CSMD1: variants seen among roughly 807,000 people sequenced by gnomAD.
CSMD1 encodes the protein CUB and Sushi multiple domains 1.
In CSMD1, 213 loss-of-function variants were observed where a neutral mutation model predicts 417.5. The ratio of observed to expected loss-of-function variants is 0.51; its 90% CI spans 0.46 to 0.57. The LOEUF (loss-of-function observed/expected upper bound fraction) is 0.57. CSMD1 is among the 20% of genes least tolerant of loss of function. CSMD1 has a pLI of 0.00. For missense variants in CSMD1, 6,923 were observed against 4,529.7 expected (o/e 1.53, Z -15.17); for synonymous variants, 2,862 against 1,736.8 (o/e 1.65, Z -16.11).
chr8:4,454,206 G>A (rs1006937478), intron 2 of CSMD1, among the ~76,000 whole-genome samples: 1 of 152,012 alleles, frequency 6.6e-6, no homozygotes, highest in South Asian at 2.1e-4. Flanking sequence ...AAAACTCCGT[G>A]TCTCCTTATC....
At position 3,079,165 on chromosome 8, in the gene CSMD1, A is replaced by G. The variant is rs1026003833; in HGVS notation, c.7474+7932T>C. 1.1e-4 allele frequency among the ~76,000 whole-genome samples: 17 copies of G among 152,306 alleles called. 1 individual carries two copies. Among genetic ancestry groups the G allele is most frequent in the Admixed American group, 3.3e-4 (5 of 15,298 alleles). ...AATCCCCTAAGATTGTGTGAGGTAGATTTAAGCAAGGGCAACTGGGATAAA... is the reference window on the plus strand; with the variant it reads ...AATCCCCTAAGATTGTGTGAGGTAGGTTTAAGCAAGGGCAACTGGGATAAA... On this transcript the variant is annotated intron_variant, in intron 49 of 69. Coordinates refer to ENST00000635120, the MANE Select transcript of CSMD1 (RefSeq NM_033225.6).
At chr8:4,786,944 C>T (rs879801015) in intron 1 of CSMD1, among the ~76,000 whole-genome samples, 1 of 152,088 alleles carries the variant, frequency 6.6e-6, no homozygotes, top group South Asian at 2.1e-4. Context: ...CTTTTTAAAT[C>T]TTAATGTTTT....
intron 2 of CSMD1, among the ~76,000 whole-genome samples, chr8:4,555,349 G>A (rs913684374): frequency 6.6e-6 from 1 of 152,152 alleles, no homozygotes; most frequent in Non-Finnish European, 1.5e-5. Context: ...ACCTGGCAAT[G>A]GATGGAACAT....
intron 2 of CSMD1, among the ~76,000 whole-genome samples, chr8:4,421,073 T>A (rs1234808606): frequency 6.6e-6 from 1 of 152,192 alleles, no homozygotes; most frequent in African/African-American, 2.4e-5. Flanking sequence ...TTTTTCCCAT[T>A]GGATGCCAAT....
At chr8:3,748,414 G>C (rs1797161503) in intron 6 of CSMD1, among the ~76,000 whole-genome samples, 1 of 152,168 alleles carries the variant, frequency 6.6e-6, no homozygotes, top group Non-Finnish European at 1.5e-5. Context: ...GAAACAGGCA[G>C]GAGGCCCATG....
At chr8:3,586,418 C>T (rs751374548) in intron 8 of CSMD1, among the ~76,000 whole-genome samples, 158 bp from the exon 9 acceptor site, 1 of 151,972 alleles carries the variant, frequency 6.6e-6, no homozygotes, top group East Asian at 1.9e-4. Context: ...AGAGGCAACC[C>T]TGTAATTTAG....
chr8:4,091,306 T>C (rs1194924879), intron 3 of CSMD1, among the ~76,000 whole-genome samples: 1 of 152,180 alleles, frequency 6.6e-6, no homozygotes, highest in Non-Finnish European at 1.5e-5. Context: ...AAAATTCTGA[T>C]TCAATAAATA....
intron 49 of CSMD1, among the ~76,000 whole-genome samples, chr8:3,081,585 C>T (rs977042532): frequency 1.3e-5 from 2 of 152,094 alleles, no homozygotes; most frequent in African/African-American, 4.8e-5. Context: ...TAATTACATT[C>T]CCAATTATCT....
chr8:4,774,641 A>G (rs895990051), intron 1 of CSMD1, among the ~76,000 whole-genome samples: 1 of 152,134 alleles, frequency 6.6e-6, no homozygotes, highest in African/African-American at 2.4e-5. Context: ...CCCTAACTTC[A>G]TGTTCAATTG....
At chr8:4,717,629 T>C (rs1808769143) in intron 1 of CSMD1, among the ~76,000 whole-genome samples, 2 of 151,872 alleles carry the variant, frequency 1.3e-5, no homozygotes, top group African/African-American at 4.8e-5. Context: ...TATATATATT[T>C]CTACAACGGG....
intron 50 of CSMD1, among the ~76,000 whole-genome samples, chr8:3,029,808 A>C (rs566818985): frequency 2.6e-5 from 4 of 152,190 alleles, no homozygotes; most frequent in African/African-American, 7.2e-5. Flanking sequence ...GAAGTTGATG[A>C]AAATTTTCAT....
chr8:4,368,332 A>G (rs961816669), intron 3 of CSMD1, among the ~76,000 whole-genome samples: 4 of 152,172 alleles, frequency 2.6e-5, no homozygotes, highest in African/African-American at 4.8e-5. Context: ...TCACAGGTAT[A>G]CAGCCTACTT....
At chr8:3,775,102 GT>G (rs1220815958) in intron 5 of CSMD1, among the ~76,000 whole-genome samples, 1 of 152,168 alleles carries the variant, frequency 6.6e-6, no homozygotes, top group African/African-American at 2.4e-5. Flanking sequence ...TCTATTTAAT[GT>G]TTTTAGACTG....
chr8:3,357,368 G>C (rs1444634282), intron 21 of CSMD1, among the ~76,000 whole-genome samples: 1 of 152,202 alleles, frequency 6.6e-6, no homozygotes, highest in Non-Finnish European at 1.5e-5. Context: ...ACATGTAACA[G>C]GGAACTGTCC....
At chr8:3,361,579 G>C (rs945745974) in intron 20 of CSMD1, among the ~76,000 whole-genome samples, 8 of 148,348 alleles carry the variant, frequency 5.4e-5, no homozygotes, top group African/African-American at 2.0e-4. Flanking sequence ...TTGAACCCTG[G>C]AGGTGGAGGT....
chr8:3,827,266 C>G (rs757129192), intron 5 of CSMD1, among the ~76,000 whole-genome samples: 2 of 152,156 alleles, frequency 1.3e-5, no homozygotes, highest in Non-Finnish European at 2.9e-5. Flanking sequence ...GCACACATAT[C>G]CTTGCAATGT....
chr8:2,984,282 G>C (rs1377884200), intron 54 of CSMD1, among the ~76,000 whole-genome samples: 2 of 152,180 alleles, frequency 1.3e-5, no homozygotes, highest in Non-Finnish European at 2.9e-5. Context: ...ACGCACAGGA[G>C]GGAGAGGTAG....
At chr8:3,755,907 T>C (rs78891613) in intron 5 of CSMD1, among the ~76,000 whole-genome samples, 9,221 of 152,144 alleles carry the variant, frequency 0.061, 337 homozygotes, top group Middle Eastern at 0.095. Flanking sequence ...CCAAGGCATA[T>C]TTAATCACCT....
At chr8:4,671,884 T>C (rs1277115896) in intron 1 of CSMD1, among the ~76,000 whole-genome samples, 3 of 152,100 alleles carry the variant, frequency 2.0e-5, no homozygotes, top group African/African-American at 7.2e-5. Context: ...AACGAGAAGA[T>C]AGAAACCCTC....
Sources: allele counts gnomAD v4.1 joint callset (sites outside exome capture counted in the v4.1 genomes callset), GRCh38; gene constraint gnomAD v4.1.1; transcripts MANE v1.5; gene names NCBI Gene and HGNC (gene_info 2026-07-23, HGNC 2026-07-21).